Variants in DNMT3B observed in about 807,000 individuals in gnomAD.
DNMT3B encodes the protein DNA methyltransferase 3 beta, also known as DNA (cytosine-5)-methyltransferase 3B.
Under a neutral mutation model 120.2 loss-of-function variants are expected in DNMT3B, and 37 were observed. That is an observed-to-expected ratio of 0.31 (90% CI 0.24 to 0.40). The LOEUF is 0.40. DNMT3B is among the 10% of genes least tolerant of loss of function. DNMT3B has a pLI of 1.00. For missense variants in DNMT3B, 878 were observed against 1,137.3 expected (o/e 0.77, Z 3.28); for synonymous variants, 412 against 442.8 (o/e 0.93, Z 0.87).
Position 32,807,867 on chromosome 20 carries a change from C to T in DNMT3B, c.2526C>T (p.Leu842=). The T allele has an allele frequency of 3.7e-6, 6 of 1,614,248 alleles. No homozygotes were observed. Among genetic ancestry groups the T allele is most frequent in the Non-Finnish European group, 5.1e-6 (6 of 1,180,054 alleles). Residue 842 remains leucine (L), a synonymous_variant, in exon 23 of 23, where the codon CTC becomes CTT. Transcript: ENST00000328111. Reference sequence around the variant, plus strand: ...GGAGCGTGCCTGTCATCCGACACCTCTTCGCCCCTCTGAAGGACTACTTTG... The same window carrying T: ...GGAGCGTGCCTGTCATCCGACACCTTTTCGCCCCTCTGAAGGACTACTTTG... ...RSWSVPVIRH[L]FAPLKDYFAC... is the part of the protein sequence containing the mutation.
At chr20:32,802,287 A>G in intron 19 of DNMT3B, 98 bp from the exon 20 acceptor site, 2 of 1,304,728 alleles carry the variant, frequency 1.5e-6, no homozygotes, top group Non-Finnish European at 2.2e-6. Context: ...TCCGTGCCTC[A>G]TCCATAGTCA....
chr20:32,783,984 C>T (rs925311004), intron 3 of DNMT3B, among the ~76,000 whole-genome samples: 8 of 151,226 alleles, frequency 5.3e-5, no homozygotes, highest in Non-Finnish European at 8.8e-5. Context: ...GATCTCGGCT[C>T]GCTGTAACCT....
chr20:32,776,408 G>T (rs1988075298), intron 1 of DNMT3B, among the ~76,000 whole-genome samples: 1 of 151,980 alleles, frequency 6.6e-6, no homozygotes, highest in Non-Finnish European at 1.5e-5. Flanking sequence ...TTGTGATGGG[G>T]GCCATGTTAT....
intron 2 of DNMT3B, 36 bp downstream of exon 2, chr20:32,780,501 G>A (rs370943056): frequency 1.9e-5 from 31 of 1,606,036 alleles, no homozygotes; most frequent in Middle Eastern, 3.4e-4. Context: ...GGTGTCAGGC[G>A]CTGACATAGT....
chr20:32,799,453 GA>G (rs1233291618), intron 16 of DNMT3B, 125 bp downstream of exon 16: 11 of 1,066,368 alleles, frequency 1.0e-5, no homozygotes, highest in Middle Eastern at 2.1e-4. Flanking sequence ...TACCAGCCCT[GA>G]AAAAAACCCT....
rs542048406 is a variant in DNMT3B at position 32,808,015 on chromosome 20, C to A, written c.*112C>A. ...TCTTCCTCAGCTGTGTGGGTCATAC[C>A]GTGTACCTCAGTTCCCTCTTGCTCA... On this transcript the variant is annotated 3_prime_UTR_variant, in exon 23 of 23. Coordinates refer to ENST00000328111, the MANE Select transcript of DNMT3B (RefSeq NM_006892.4). The A allele has an allele frequency of 1.8e-5, 28 of 1,577,096 alleles. No homozygotes were observed. The East Asian group carries it at 6.1e-4, about 35-fold the overall frequency.
At position 32,792,635 on chromosome 20, in the gene DNMT3B, G is replaced by T; in HGVS notation, c.931G>T (p.Val311Leu). The T allele has an allele frequency of 6.2e-7, 1 of 1,614,232 alleles. No homozygotes were observed. The highest frequency in any genetic ancestry group is 8.5e-7 in the Non-Finnish European group (1 of 1,180,040). The change falls in exon 9 of 23, where the codon GTG becomes TTG. Residue 311 changes from valine (V) to leucine (L), a missense_variant. By Grantham distance (32) the Val-to-Leu change is conservative (BLOSUM62 1). Coordinates refer to ENST00000328111, the MANE Select transcript of DNMT3B (RefSeq NM_006892.4). ...GACTCTGCCTTTGCAGAAAGCTAGG[G>T]TGCGAGCTGGCAAGACCTTCCCCAG... Reference protein sequence around the residue: ...AMYHALEKARVRAGKTFPSSP... With the variant: ...AMYHALEKARLRAGKTFPSSP...
At chr20:32,804,376 A>G (rs766214413) in intron 20 of DNMT3B, among the ~76,000 whole-genome samples, 3 of 152,188 alleles carry the variant, frequency 2.0e-5, no homozygotes, top group Non-Finnish European at 4.4e-5. Flanking sequence ...GAATGGGGAT[A>G]GAGGTAGCAT....
intron 1 of DNMT3B, among the ~76,000 whole-genome samples, chr20:32,770,262 G>A (rs59247807): frequency 2.2e-3 from 327 of 151,610 alleles, no homozygotes; most frequent in African/African-American, 7.4e-3. Context: ...ACAGGTGCCC[G>A]CCACCTCATC....
chr20:32,800,211 G>T lies in DNMT3B; in HGVS notation c.1818G>T (p.Val606=). The change falls in exon 17 of 23, where the codon GTG becomes GTT. Residue 606 remains valine (V), a synonymous_variant. Transcript: ENST00000328111. ...IKVGKYVASE[V]CEESIAVGTV... ...TAGGAAAGTACGTCGCTTCTGAAGT[G>T]TGTGAGGAGTCCATTGCTGTTGGAA... The T allele has an allele frequency of 5.0e-6, 8 of 1,614,246 alleles. No homozygotes were observed. The highest frequency in any genetic ancestry group is 6.8e-6 in the Non-Finnish European group (8 of 1,180,046).
chr20:32,771,890 C>T (rs1160073992), intron 1 of DNMT3B, among the ~76,000 whole-genome samples: 37 of 152,050 alleles, frequency 2.4e-4, no homozygotes, highest in Non-Finnish European at 5.9e-5. Flanking sequence ...TTATGTTTTC[C>T]GATTGTAAAA....
intron 5 of DNMT3B, 51 bp downstream of exon 5, chr20:32,786,678 T>C (rs1979332541): frequency 6.2e-7 from 1 of 1,611,600 alleles, no homozygotes; most frequent in Admixed American, 1.7e-5. Flanking sequence ...AACTGGGAGA[T>C]ATGCCTCACT....
At chr20:32,790,790 C>G (rs1473191098) in intron 7 of DNMT3B, among the ~76,000 whole-genome samples, 1 of 152,114 alleles carries the variant, frequency 6.6e-6, no homozygotes, top group Non-Finnish European at 1.5e-5. Context: ...TCTGCCTTAA[C>G]AGAGCAGCTG....
chr20:32,770,625 T>TC (rs1987669540), intron 1 of DNMT3B, among the ~76,000 whole-genome samples: 1 of 150,798 alleles, frequency 6.6e-6, no homozygotes, highest in Non-Finnish European at 1.5e-5. Context: ...TTTTTTTTTT[T>TC]CCTTTTGAGA....
At chr20:32,776,073 A>G (rs904192261) in intron 1 of DNMT3B, among the ~76,000 whole-genome samples, 35 of 152,210 alleles carry the variant, frequency 2.3e-4, no homozygotes, top group African/African-American at 8.4e-4. Context: ...TTCTAAAAAT[A>G]CAAAAATTAG....
intron 1 of DNMT3B, among the ~76,000 whole-genome samples, chr20:32,766,203 G>T (rs541916019): frequency 2.6e-4 from 39 of 152,212 alleles, no homozygotes; most frequent in Admixed American, 6.5e-4. Context: ...AAGTAGCCAG[G>T]CGTGTTTGTG....
At chr20:32,804,267 G>T (rs1335669696) in intron 20 of DNMT3B, among the ~76,000 whole-genome samples, 1 of 152,166 alleles carries the variant, frequency 6.6e-6, no homozygotes, top group African/African-American at 2.4e-5. Flanking sequence ...AAGTCATCTG[G>T]CTTGTTTAGA....
chr20:32,779,902 T>C, intron 1 of DNMT3B: 1 of 628,356 alleles, frequency 1.6e-6, no homozygotes, highest in Non-Finnish European at 2.8e-6. Flanking sequence ...TGCACTGGCT[T>C]CCTGAGCCCC....
intron 20 of DNMT3B, among the ~76,000 whole-genome samples, chr20:32,804,687 T>TC (rs911622001): frequency 1.4e-5 from 2 of 141,866 alleles, no homozygotes; most frequent in African/African-American, 5.7e-5. Context: ...GCTTAGTCTT[T>TC]TTTTTTTTTT....
Sources: allele counts gnomAD v4.1 joint callset (sites outside exome capture counted in the v4.1 genomes callset), GRCh38; gene constraint gnomAD v4.1.1; transcripts MANE v1.5; gene names NCBI Gene and HGNC (gene_info 2026-07-23, HGNC 2026-07-21).